The following PTPRO variants were observed in gnomAD, a reference collection of about 807,000 sequenced individuals.
PTPRO encodes the protein protein tyrosine phosphatase receptor type O, also known as receptor-type tyrosine-protein phosphatase O.
Under a neutral mutation model 145.2 loss-of-function variants are expected in PTPRO, and 62 were observed. The ratio of observed to expected loss-of-function variants is 0.43; its 90% CI spans 0.35 to 0.53. The LOEUF is 0.53. Ranked by LOEUF, PTPRO falls within the 20% of genes least tolerant of loss-of-function variation. PTPRO has a pLI of 0.01. For synonymous variants in PTPRO, 565 were observed against 514.7 expected (o/e 1.10, Z -1.32); for missense variants, 1,345 against 1,482.7 (o/e 0.91, Z 1.53).
intron 1 of PTPRO, among the ~76,000 whole-genome samples, chr12:15,448,043 C>T (rs1284449509): frequency 1.3e-5 from 2 of 152,018 alleles, no homozygotes. Context: ...ATGGCATTTA[C>T]TTGTGGTAAC....
chr12:15,451,066 A>G (rs1270053520), intron 1 of PTPRO, among the ~76,000 whole-genome samples: 1 of 152,134 alleles, frequency 6.6e-6, no homozygotes, highest in African/African-American at 2.4e-5. Context: ...TTCACCAACC[A>G]AGTATCTGCT....
chr12:15,381,849 T>C lies in PTPRO; in HGVS notation c.75+59048T>C, dbSNP rs189486946. ...CAAAGTTTTAGCTGGAAAAATGTTT[T>C]TCCGTATTTAATGAAAGTTTGGTGA... On this transcript the variant is annotated intron_variant, in intron 1 of 26. Transcript: ENST00000281171. Among the ~76,000 whole-genome samples, 15 of 152,214 alleles carry C rather than the reference T, an allele frequency of 9.9e-5. No homozygotes were observed. In the East Asian group the frequency reaches 2.5e-3, roughly 26 times the overall value.
At chr12:15,430,759 G>A (rs555628503) in intron 1 of PTPRO, among the ~76,000 whole-genome samples, 3 of 152,098 alleles carry the variant, frequency 2.0e-5, no homozygotes, top group South Asian at 4.1e-4. Flanking sequence ...GTGAGGTAAT[G>A]CAATGTTAAT....
intron 1 of PTPRO, among the ~76,000 whole-genome samples, chr12:15,388,808 TC>T (rs1452321154): frequency 6.6e-6 from 1 of 152,190 alleles, no homozygotes; most frequent in Non-Finnish European, 1.5e-5. Context: ...ATAATTTTGT[TC>T]TCTGAAATTG....
chr12:15,411,643 C>G (rs1406238108), intron 1 of PTPRO, among the ~76,000 whole-genome samples: 1 of 152,192 alleles, frequency 6.6e-6, no homozygotes, highest in Non-Finnish European at 1.5e-5. Flanking sequence ...CACATTGAAG[C>G]TTCATCTCAG....
At chr12:15,393,951 G>T (rs988861938) in intron 1 of PTPRO, among the ~76,000 whole-genome samples, 1 of 152,146 alleles carries the variant, frequency 6.6e-6, no homozygotes, top group Non-Finnish European at 1.5e-5. Flanking sequence ...TGGCAAGGAG[G>T]CTTAAGAAAG....
chr12:15,552,536 CA>C, intron 15 of PTPRO, among the ~76,000 whole-genome samples: 1 of 152,096 alleles, frequency 6.6e-6, no homozygotes, highest in Non-Finnish European at 1.5e-5. Context: ...AATCAGACAT[CA>C]AAGCTGTCCA....
At chr12:15,360,715 CTA>C (rs893753562) in intron 1 of PTPRO, among the ~76,000 whole-genome samples, 32 of 140,034 alleles carry the variant, frequency 2.3e-4, no homozygotes, top group African/African-American at 8.3e-4. Flanking sequence ...AAACATATAC[CTA>C]TATGTTTATA....
At chr12:15,430,122 A>ATTTTCTCGCTATTTT (rs1940393045) in intron 1 of PTPRO, among the ~76,000 whole-genome samples, 1 of 152,100 alleles carries the variant, frequency 6.6e-6, no homozygotes, top group Admixed American at 6.6e-5. Context: ...CACCGAGAAA[A>ATTTTCTCGCTATTTT]TAGCAAGCCT....
At chr12:15,411,188 A>G (rs1472850506) in intron 1 of PTPRO, among the ~76,000 whole-genome samples, 1 of 152,220 alleles carries the variant, frequency 6.6e-6, no homozygotes, top group East Asian at 1.9e-4. Context: ...CTTCCAGAGT[A>G]AATTAATTAT....
At chr12:15,420,033 G>A (rs1400187508) in intron 1 of PTPRO, among the ~76,000 whole-genome samples, 1 of 150,960 alleles carries the variant, frequency 6.6e-6, no homozygotes, top group Admixed American at 6.6e-5. Context: ...CATAGTCCCA[G>A]CTACTCGGGA....
chr12:15,548,694 G>A (rs888852795), intron 13 of PTPRO, among the ~76,000 whole-genome samples: 3 of 151,950 alleles, frequency 2.0e-5, no homozygotes, highest in South Asian at 2.1e-4. Flanking sequence ...TCCTTTCAAC[G>A]GATTTCTGTC....
In PTPRO at chr12:15,467,409, A is replaced by AGTGTGTGTGTGT. The variant is rs71042254; in HGVS notation, c.76-16554_76-16543dup. Among the ~76,000 whole-genome samples, 294 of 150,098 alleles carry AGTGTGTGTGTGT rather than the reference A, an allele frequency of 2.0e-3. 3 individuals are homozygous for AGTGTGTGTGTGT. The East Asian group carries it at 0.047, about 24-fold the overall frequency. On this transcript the variant is annotated intron_variant, in intron 1 of 26. Transcript: ENST00000281171. ...CTTTTATGGTAGTGAGGTAGGGGTG[A>AGTGTGTGTGTGT]GTGTGTGTGTGTGTGTGTGTGTATG...
intron 1 of PTPRO, among the ~76,000 whole-genome samples, chr12:15,467,881 G>A (rs1941452533): frequency 6.6e-6 from 1 of 152,110 alleles, no homozygotes; most frequent in East Asian, 1.9e-4. Flanking sequence ...TGGGACTCAG[G>A]GTGACGGAGA....
At chr12:15,594,581 G>A (rs1156440142) in intron 25 of PTPRO, among the ~76,000 whole-genome samples, 1 of 151,298 alleles carries the variant, frequency 6.6e-6, no homozygotes, top group African/African-American at 2.4e-5. Context: ...ATATAATCTG[G>A]GGTGATGAAT....
intron 15 of PTPRO, among the ~76,000 whole-genome samples, chr12:15,555,412 C>G (rs1943595076): frequency 6.6e-6 from 1 of 152,010 alleles, no homozygotes; most frequent in South Asian, 2.1e-4. Flanking sequence ...AAAGAGGCAG[C>G]CAGTGAAGTA....
chr12:15,373,212 C>T (rs1036281959), intron 1 of PTPRO, among the ~76,000 whole-genome samples: 3 of 152,116 alleles, frequency 2.0e-5, no homozygotes, highest in Admixed American at 1.3e-4. Context: ...TATGAGATCA[C>T]CAAGTTGATT....
chr12:15,357,613 C>G (rs975772175), intron 1 of PTPRO, among the ~76,000 whole-genome samples: 1 of 151,616 alleles, frequency 6.6e-6, no homozygotes, highest in East Asian at 1.9e-4. Flanking sequence ...GACATTTATG[C>G]AGCCAAAAAA....
chr12:15,559,890 C>T (rs1385541724), intron 16 of PTPRO, among the ~76,000 whole-genome samples: 3 of 152,114 alleles, frequency 2.0e-5, no homozygotes, highest in Non-Finnish European at 4.4e-5. Flanking sequence ...CATATAAGTG[C>T]TTCATTTAAC....
Sources: allele counts gnomAD v4.1 joint callset (sites outside exome capture counted in the v4.1 genomes callset), GRCh38; gene constraint gnomAD v4.1.1; transcripts MANE v1.5; gene names NCBI Gene and HGNC (gene_info 2026-07-23, HGNC 2026-07-21).